PLCH1: variants seen among roughly 807,000 people sequenced by gnomAD.
PLCH1 encodes 1-phosphatidylinositol 4,5-bisphosphate phosphodiesterase eta-1.
PLCH1 carries 60 observed loss-of-function variants against 126.7 expected under a neutral mutation model. The ratio of observed to expected loss-of-function variants is 0.47; its 90% confidence interval spans 0.38 to 0.59. PLCH1 has a LOEUF of 0.59. Ranked by LOEUF, PLCH1 falls within the 20% of genes least tolerant of loss-of-function variation. The probability of loss-of-function intolerance (pLI) is 0.00; values close to 1 mark genes in which losing one functional copy is unlikely to be tolerated. For synonymous variants in PLCH1, 719 were observed against 734.9 expected (o/e 0.98, Z 0.35); for missense variants, 1,723 against 2,040.0 (o/e 0.84, Z 2.99).
At chr3:155,500,837 A>G in intron 13 of PLCH1, 43 bp from the exon 14 acceptor site, 2 of 1,253,398 alleles carry the variant, frequency 1.6e-6, no homozygotes, top group Non-Finnish European at 1.2e-6. Flanking sequence ...TCATTGTATC[A>G]AGTATATTTA....
intron 2 of PLCH1, among the ~76,000 whole-genome samples, chr3:155,607,453 T>G (rs534282085): frequency 4.4e-4 from 67 of 150,972 alleles, no homozygotes; most frequent in African/African-American, 1.5e-3. Flanking sequence ...TGTTTATTTG[T>G]TTTTTTTTCT....
In PLCH1 at chr3:155,494,205, G is replaced by A; in HGVS notation, c.2118C>T (p.Asn706=). The change falls in exon 17 of 23, where the codon AAC becomes AAT. Residue 706 remains asparagine (N), a synonymous_variant. Transcript: ENST00000460012. ...YQSEGRMMQL[N]RAKFKANGNC... ...TGCCATTTGCCTTGAATTTGGCTCG[G>A]TTTAACTGCATCATTCGTCCTTCAG... 1 of 1,614,148 alleles carries A rather than the reference G, an allele frequency of 6.2e-7. No homozygotes were observed. The highest frequency in any genetic ancestry group is 1.1e-5 in the South Asian group (1 of 91,082).
intron 1 of PLCH1, among the ~76,000 whole-genome samples, chr3:155,735,047 G>A (rs1479930887): frequency 1.3e-5 from 2 of 152,114 alleles, no homozygotes; most frequent in Admixed American, 1.3e-4. Flanking sequence ...TAAAAAGAAG[G>A]AAATCCTATC....
At chr3:155,552,890 T>C (rs1726323705) in intron 9 of PLCH1, among the ~76,000 whole-genome samples, 1 of 152,186 alleles carries the variant, frequency 6.6e-6, no homozygotes, top group Non-Finnish European at 1.5e-5. Flanking sequence ...TGCCAAGAAT[T>C]GGTTGAGTCT....
intron 13 of PLCH1, among the ~76,000 whole-genome samples, chr3:155,504,040 A>G (rs1576847837): frequency 6.6e-6 from 1 of 152,180 alleles, no homozygotes; most frequent in Admixed American, 6.5e-5. Flanking sequence ...TGTGGCGGGC[A>G]TATATGGAAT....
intron 2 of PLCH1, among the ~76,000 whole-genome samples, chr3:155,674,409 A>G (rs529330792): frequency 6.6e-6 from 1 of 152,212 alleles, no homozygotes; most frequent in Non-Finnish European, 1.5e-5. Context: ...AATGCAACTC[A>G]GATTTCATGA....
chr3:155,640,547 T>C (rs1739279795), intron 2 of PLCH1, among the ~76,000 whole-genome samples: 1 of 152,210 alleles, frequency 6.6e-6, no homozygotes, highest in Non-Finnish European at 1.5e-5. Flanking sequence ...TAGGAGGCTT[T>C]TGTGGTCCTT....
chr3:155,475,268 G>A (rs1713489028), downstream of PLCH1, among the ~76,000 whole-genome samples: 1 of 151,752 alleles, frequency 6.6e-6, no homozygotes, highest in Admixed American at 6.6e-5. Flanking sequence ...ACAGGATCTA[G>A]AAAACGATAA....
In PLCH1 at chr3:155,681,296, A is replaced by G. The variant is rs180783863; in HGVS notation, c.79+22850T>C. Among the ~76,000 whole-genome samples the G allele has an allele frequency of 2.5e-3, 376 of 152,358 alleles. 2 individuals carry two copies. Among genetic ancestry groups the G allele is most frequent in the Admixed American group, 6.5e-3 (99 of 15,306 alleles). ...AAAACTTGCTTTGAGGCTTACTAACATTTATGAAGCACTTTACTATGTTCC... is the reference window on the plus strand; with the variant it reads ...AAAACTTGCTTTGAGGCTTACTAACGTTTATGAAGCACTTTACTATGTTCC... On this transcript the variant is annotated intron_variant, in intron 2 of 22. Transcript: ENST00000460012.
chr3:155,662,414 G>A (rs530698465), intron 2 of PLCH1, among the ~76,000 whole-genome samples: 66 of 152,116 alleles, frequency 4.3e-4, no homozygotes, highest in African/African-American at 1.5e-3. Context: ...GTGGCAGTGA[G>A]CTATAATCGC....
At chr3:155,504,445 G>C in intron 13 of PLCH1, 110 bp downstream of exon 13, 1 of 621,044 alleles carries the variant, frequency 1.6e-6, no homozygotes, top group Admixed American at 2.6e-5. Flanking sequence ...TTGCTGACGT[G>C]CTGGTTAAGA....
chr3:155,723,868 C>T (rs938630499), intron 1 of PLCH1, among the ~76,000 whole-genome samples: 3 of 149,590 alleles, frequency 2.0e-5, no homozygotes, highest in Non-Finnish European at 3.0e-5. Context: ...GCAGAAGAAT[C>T]GCTTGAACCC....
chr3:155,609,701 A>T (rs542747690), intron 2 of PLCH1, among the ~76,000 whole-genome samples: 176 of 152,212 alleles, frequency 1.2e-3, no homozygotes, highest in African/African-American at 4.2e-3. Flanking sequence ...TAAAGTAAAA[A>T]CAAACACAAC....
chr3:155,528,821 G>C (rs933064554), intron 10 of PLCH1, among the ~76,000 whole-genome samples: 17 of 152,158 alleles, frequency 1.1e-4, no homozygotes, highest in African/African-American at 3.9e-4. Flanking sequence ...GGTGGCATGA[G>C]GTGAGGGAAC....
At chr3:155,700,209 A>T (rs1746166729) in intron 2 of PLCH1, among the ~76,000 whole-genome samples, 2 of 152,226 alleles carry the variant, frequency 1.3e-5, no homozygotes, top group African/African-American at 4.8e-5. Flanking sequence ...ATTACAAACT[A>T]GCAGTCAAGT....
chr3:155,671,147 T>G (rs1454658007), intron 2 of PLCH1, among the ~76,000 whole-genome samples: 3 of 152,178 alleles, frequency 2.0e-5, no homozygotes, highest in Admixed American at 2.0e-4. Context: ...CCAGCAGGAT[T>G]CAAATGTCAG....
intron 7 of PLCH1, among the ~76,000 whole-genome samples, chr3:155,566,495 C>T (rs759032742): frequency 6.5e-4 from 98 of 151,452 alleles, no homozygotes; most frequent in Non-Finnish European, 1.2e-3. Context: ...CATGTTAAAA[C>T]CATAGTGATA....
chr3:155,741,064 G>A (rs956104151), intron 1 of PLCH1, among the ~76,000 whole-genome samples: 2 of 152,176 alleles, frequency 1.3e-5, no homozygotes, highest in Non-Finnish European at 2.9e-5. Context: ...ACAGAAGACA[G>A]AGATCTTGAT....
intron 22 of PLCH1, chr3:155,483,364 A>G: frequency 6.5e-7 from 1 of 1,544,838 alleles, no homozygotes; most frequent in East Asian, 2.5e-5. Flanking sequence ...GTTGTTTCCT[A>G]TTCAGATTTG....
Sources: gnomAD v4.1 joint callset for allele counts (sites outside exome capture counted in the v4.1 genomes callset) on GRCh38, gnomAD v4.1.1 for gene constraint, MANE v1.5 for transcripts, NCBI Gene and HGNC (gene_info 2026-07-23, HGNC 2026-07-21) for gene names.